Variants in DIPK1A observed in about 807,000 individuals in gnomAD.
DIPK1A encodes divergent protein kinase domain 1A.
Under a neutral mutation model 40.8 loss-of-function variants are expected in DIPK1A, and 27 were observed. The observed-to-expected ratio is 0.66, with a 90% confidence interval of 0.49 to 0.91. The LOEUF (loss-of-function observed/expected upper bound fraction) is 0.91, where lower values mean the gene tolerates loss of function less well. DIPK1A is among the 40% of genes least tolerant of loss of function. DIPK1A has a pLI of 0.00. For synonymous variants in DIPK1A, 166 were observed against 171.3 expected (o/e 0.97, Z 0.24); for missense variants, 412 against 505.7 (o/e 0.81, Z 1.78).
chr1:92,916,621 GAA>G (rs770215027), intron 1 of DIPK1A, among the ~76,000 whole-genome samples: 2 of 151,900 alleles, frequency 1.3e-5, no homozygotes, highest in Non-Finnish European at 1.5e-5. Flanking sequence ...TTTGTAATAT[GAA>G]TAAATCAATC....
chr1:92,892,792 A>G (rs1648957091), intron 1 of DIPK1A, among the ~76,000 whole-genome samples: 1 of 138,486 alleles, frequency 7.2e-6, no homozygotes, highest in Non-Finnish European at 1.5e-5. Context: ...TAACCAATGC[A>G]GAGAAGTCCT....
At chr1:92,915,933 A>C (rs538673038) in intron 1 of DIPK1A, among the ~76,000 whole-genome samples, 3 of 152,354 alleles carry the variant, frequency 2.0e-5, no homozygotes, top group African/African-American at 7.2e-5. Context: ...ATTTAACTAT[A>C]AAAAGAAATG....
intron 2 of DIPK1A, among the ~76,000 whole-genome samples, chr1:92,872,315 C>T (rs1647910391): frequency 6.6e-6 from 1 of 151,956 alleles, no homozygotes; most frequent in South Asian, 2.1e-4. Context: ...CTCCTGGAGT[C>T]AAGTGATCTG....
intron 1 of DIPK1A, among the ~76,000 whole-genome samples, chr1:92,877,813 C>A (rs903789886): frequency 6.6e-6 from 1 of 152,168 alleles, no homozygotes; most frequent in Non-Finnish European, 1.5e-5. Context: ...TAAGATGACT[C>A]GTCTCTAATA....
chr1:92,896,663 A>C (rs1425071688), intron 1 of DIPK1A, among the ~76,000 whole-genome samples: 2 of 151,822 alleles, frequency 1.3e-5, no homozygotes, highest in Non-Finnish European at 2.9e-5. Context: ...ATGGGATCTA[A>C]TTAAACTAAA....
chr1:92,925,991 G>C lies in DIPK1A; in HGVS notation c.54+35385C>G, dbSNP rs1416744724. Among the ~76,000 whole-genome samples the C allele has an allele frequency of 2.0e-5, 3 of 151,772 alleles. No homozygotes were observed. In the East Asian group the frequency reaches 5.8e-4, roughly 29 times the overall value. On this transcript the variant is annotated intron_variant, in intron 1 of 4. Transcript: ENST00000370310. ...TTGGTATATAATAAGCTTTTTCTAG[G>C]CATTTTCAATTTTTTTGATCTTTTG...
intron 1 of DIPK1A, chr1:92,877,298 T>C (rs1648174689): frequency 4.7e-6 from 1 of 210,896 alleles, no homozygotes; most frequent in African/African-American, 2.4e-5. Context: ...GTAGCACCCA[T>C]GGTCTGGTTT....
chr1:92,953,668 A>G (rs1292371950), intron 1 of DIPK1A, among the ~76,000 whole-genome samples: 1 of 152,236 alleles, frequency 6.6e-6, no homozygotes, highest in Non-Finnish European at 1.5e-5. Context: ...GTGTGATTCC[A>G]CTTATATGAA....
intron 2 of DIPK1A, among the ~76,000 whole-genome samples, chr1:92,862,628 T>C (rs1022644546): frequency 2.1e-4 from 32 of 152,270 alleles, no homozygotes; most frequent in African/African-American, 7.7e-4. Context: ...CCACTACAAG[T>C]AGCAAAATTT....
chr1:92,898,239 G>T (rs1046535463), intron 1 of DIPK1A, among the ~76,000 whole-genome samples: 1 of 152,160 alleles, frequency 6.6e-6, no homozygotes, highest in Non-Finnish European at 1.5e-5. Flanking sequence ...TACAGTCATG[G>T]TGAAAGTGAC....
chr1:92,836,514 G>C, intron 4 of DIPK1A: 1 of 869,814 alleles, frequency 1.1e-6, no homozygotes, highest in Non-Finnish European at 1.9e-6. Flanking sequence ...GTATGCCTAG[G>C]TACCATGCAG....
intron 1 of DIPK1A, among the ~76,000 whole-genome samples, chr1:92,878,372 T>C (rs1435059526): frequency 1.3e-5 from 2 of 151,960 alleles, no homozygotes; most frequent in Non-Finnish European, 2.9e-5. Flanking sequence ...TAGTGAGACA[T>C]TGTCTCTATG....
At chr1:92,946,057 C>T (rs942017038) in intron 1 of DIPK1A, among the ~76,000 whole-genome samples, 6 of 152,088 alleles carry the variant, frequency 3.9e-5, no homozygotes, top group African/African-American at 1.4e-4. Flanking sequence ...TGTTCTTTTC[C>T]CTATTGGCAG....
intron 4 of DIPK1A, among the ~76,000 whole-genome samples, chr1:92,844,768 T>G (rs1214909140): frequency 6.6e-6 from 1 of 152,118 alleles, no homozygotes; most frequent in Non-Finnish European, 1.5e-5. Flanking sequence ...ACAATAATTA[T>G]TTTGTTCAAA....
intron 1 of DIPK1A, among the ~76,000 whole-genome samples, chr1:92,917,206 C>T (rs1051078510): frequency 6.6e-6 from 1 of 152,188 alleles, no homozygotes; most frequent in Non-Finnish European, 1.5e-5. Flanking sequence ...CTTTCCCCAA[C>T]TTTTCAGCAT....
chr1:92,888,802 A>T (rs1648724111), intron 1 of DIPK1A, among the ~76,000 whole-genome samples: 1 of 152,012 alleles, frequency 6.6e-6, no homozygotes, highest in Non-Finnish European at 1.5e-5. Context: ...TTTTTCATGT[A>T]CCTGTCTTCT....
chr1:92,961,334 C>G, intron 1 of DIPK1A, 42 bp downstream of exon 1: 2 of 1,451,662 alleles, frequency 1.4e-6, no homozygotes, highest in Non-Finnish European at 1.8e-6. Flanking sequence ...GGCACACGGC[C>G]GGGTGCTCCC....
chr1:92,869,738 T>TA (rs1647741460), intron 2 of DIPK1A, among the ~76,000 whole-genome samples: 3 of 143,430 alleles, frequency 2.1e-5, no homozygotes, highest in South Asian at 2.1e-4. Flanking sequence ...ATTATGCAGT[T>TA]TTATATATAT....
chr1:92,839,966 G>A (rs1454893117), downstream of DIPK1A, among the ~76,000 whole-genome samples: 1 of 151,130 alleles, frequency 6.6e-6, no homozygotes, highest in Non-Finnish European at 1.5e-5. Flanking sequence ...TCAGCCTCTC[G>A]AGGTAGCTGG....
Sources: allele counts gnomAD v4.1 joint callset (sites outside exome capture counted in the v4.1 genomes callset), GRCh38; gene constraint gnomAD v4.1.1; transcripts MANE v1.5; gene names NCBI Gene and HGNC (gene_info 2026-07-23, HGNC 2026-07-21).